The following TLN2 variants were observed in gnomAD, a reference collection of about 807,000 sequenced individuals.
TLN2 encodes the protein talin-2.
A neutral mutation model predicts 294.7 loss-of-function variants in TLN2; 118 were observed. That is an observed-to-expected ratio of 0.40 (90% CI 0.34 to 0.47). The LOEUF is 0.47. TLN2 is among the 20% of genes least tolerant of loss of function. TLN2 has a pLI of 0.84. For missense variants in TLN2, 3,083 were observed against 3,282.2 expected (o/e 0.94, Z 1.48); for synonymous variants, 1,431 against 1,304.5 (o/e 1.10, Z -2.09).
At chr15:62,554,918 T>G (rs559153623) in intron 1 of TLN2, among the ~76,000 whole-genome samples, 1 of 152,198 alleles carries the variant, frequency 6.6e-6, no homozygotes, top group South Asian at 2.1e-4. Flanking sequence ...AGATGTAGAT[T>G]TAGAAAATTC....
chr15:62,645,138 A>G (rs1340108080), intron 3 of TLN2: 1 of 153,692 alleles, frequency 6.5e-6, no homozygotes, highest in African/African-American at 2.4e-5. Flanking sequence ...ATTTATCTCT[A>G]GAGTTTAAAT....
intron 43 of TLN2, among the ~76,000 whole-genome samples, chr15:62,777,240 A>G (rs1313315211): frequency 6.7e-6 from 1 of 148,810 alleles, no homozygotes; most frequent in African/African-American, 2.5e-5. Flanking sequence ...AATGAAATAA[A>G]AGTGATTCCC....
At chr15:62,417,400 G>A (rs898991584) in intron 1 of TLN2, among the ~76,000 whole-genome samples, 1 of 152,220 alleles carries the variant, frequency 6.6e-6, no homozygotes, top group South Asian at 2.1e-4. Flanking sequence ...TAGACCAAGC[G>A]TATTATGCTT....
Position 62,612,263 on chromosome 15 carries a change from C to T in TLN2, c.-161-6088C>T, listed in dbSNP as rs1463137507. Among the ~76,000 whole-genome samples, 4 of 152,030 alleles carry T rather than the reference C, an allele frequency of 2.6e-5. No homozygotes were observed. The East Asian group carries it at 5.8e-4, about 22-fold the overall frequency. ...TTTTGTCAGAGTGCTGGGGAGGTGC[C>T]GATTATTTTTTCCATCCTTTCTTCT... On this transcript the variant is annotated intron_variant, in intron 2 of 58. Transcript: ENST00000636159.
chr15:62,504,844 T>TGAGA (rs1470373197), intron 1 of TLN2, among the ~76,000 whole-genome samples: 5 of 142,040 alleles, frequency 3.5e-5, no homozygotes, highest in African/African-American at 1.4e-4. Context: ...TGTGTGTGTG[T>TGAGA]GTGAGAGAGA....
At chr15:62,549,463 C>G (rs1249020774) in intron 1 of TLN2, among the ~76,000 whole-genome samples, 5 of 125,186 alleles carry the variant, frequency 4.0e-5, no homozygotes, top group Admixed American at 7.9e-5. Flanking sequence ...CACTCAGAGG[C>G]CTGCCATGCA....
Position 62,831,860 on chromosome 15 carries a change from T to G in TLN2, c.7003-1644T>G, listed in dbSNP as rs1352469339. The G allele has an allele frequency of 2.6e-5, 4 of 152,228 alleles. No individual in the cohort carries two copies. In the East Asian group the frequency reaches 7.7e-4, roughly 29 times the overall value. 9.4% of individuals were successfully genotyped at this position (152,228 alleles called of 1,614,324 possible). A position where few individuals can be genotyped will look rare whatever the true frequency, so the allele number is the denominator to read the frequency against. On this transcript the variant is annotated intron_variant, in intron 54 of 58. Coordinates refer to ENST00000636159, the MANE Select transcript of TLN2 (RefSeq NM_015059.3). Reference sequence around the variant, plus strand: ...GAGAGCTGGAGAAGACTTGTATCCCTCCTGTCTGACGTTTCACATGGGAGC... The same window carrying G: ...GAGAGCTGGAGAAGACTTGTATCCCGCCTGTCTGACGTTTCACATGGGAGC...
chr15:62,432,961 T>G (rs1362918399), intron 1 of TLN2, among the ~76,000 whole-genome samples: 1 of 152,074 alleles, frequency 6.6e-6, no homozygotes, highest in East Asian at 1.9e-4. Flanking sequence ...CTCATCCAGA[T>G]GTGTTTGACA....
chr15:62,534,740 A>AG (rs2041240885), intron 1 of TLN2, among the ~76,000 whole-genome samples: 1 of 150,980 alleles, frequency 6.6e-6, no homozygotes, highest in Non-Finnish European at 1.5e-5. Context: ...GAAGCTGGCT[A>AG]GGGGCCCCTA....
At chr15:62,832,512 C>A in intron 54 of TLN2, 1 of 152,360 alleles carries the variant, frequency 6.6e-6, no homozygotes, top group Non-Finnish European at 1.5e-5. Context: ...ACTTGTTCCA[C>A]TTCTCCAAAG....
intron 26 of TLN2, among the ~76,000 whole-genome samples, chr15:62,724,385 A>G (rs542844586): frequency 1.5e-4 from 23 of 152,362 alleles, no homozygotes; most frequent in Non-Finnish European, 2.9e-4. Flanking sequence ...ATATAATTAT[A>G]TGTGCATGTG....
At chr15:62,527,399 G>A (rs2040801509) in intron 1 of TLN2, among the ~76,000 whole-genome samples, 1 of 152,156 alleles carries the variant, frequency 6.6e-6, no homozygotes, top group East Asian at 1.9e-4. Flanking sequence ...GCTGTATTAT[G>A]CTAAAGCAAA....
intron 46 of TLN2, 118 bp downstream of exon 46, chr15:62,792,905 C>A (rs966396148): frequency 6.8e-7 from 1 of 1,471,296 alleles, no homozygotes; most frequent in African/African-American, 1.4e-5. Flanking sequence ...ACTCAGCTGT[C>A]TCATCCCGAT....
intron 1 of TLN2, among the ~76,000 whole-genome samples, chr15:62,539,970 T>C (rs2041580547): frequency 6.6e-6 from 1 of 151,140 alleles, no homozygotes; most frequent in South Asian, 2.1e-4. Context: ...ATTTTGCAGA[T>C]GCATGTAAAT....
At chr15:62,406,034 G>A (rs944408048) in intron 1 of TLN2, among the ~76,000 whole-genome samples, 1 of 152,182 alleles carries the variant, frequency 6.6e-6, no homozygotes, top group Admixed American at 6.5e-5. Flanking sequence ...AATCCGAGAA[G>A]CATCAGGTGG....
intron 2 of TLN2, among the ~76,000 whole-genome samples, chr15:62,593,900 G>T (rs935339562): frequency 1.3e-5 from 2 of 152,178 alleles, no homozygotes; most frequent in African/African-American, 4.8e-5. Context: ...AAATCCTGCT[G>T]CTGTGATGTA....
intron 1 of TLN2, among the ~76,000 whole-genome samples, chr15:62,489,933 C>A (rs1595920507): frequency 6.6e-6 from 1 of 152,200 alleles, no homozygotes; most frequent in Non-Finnish European, 1.5e-5. Flanking sequence ...TAGCTCCTGC[C>A]CACATTCTGA....
intron 52 of TLN2, among the ~76,000 whole-genome samples, chr15:62,816,298 T>C (rs72741210): frequency 0.12 from 18,237 of 152,256 alleles, 1,187 homozygotes; most frequent in South Asian, 0.18. Flanking sequence ...AGGATTTGTA[T>C]TGCAGGACAA....
chr15:62,727,489 A>G (rs2060502608), intron 28 of TLN2, among the ~76,000 whole-genome samples: 1 of 152,256 alleles, frequency 6.6e-6, no homozygotes, highest in South Asian at 2.1e-4. Context: ...AAAGGCATAA[A>G]AAAAGGTTAA....
Sources: allele counts gnomAD v4.1 joint callset (sites outside exome capture counted in the v4.1 genomes callset), GRCh38; gene constraint gnomAD v4.1.1; transcripts MANE v1.5; gene names NCBI Gene and HGNC (gene_info 2026-07-23, HGNC 2026-07-21).